TMEM175: variants seen among roughly 807,000 people sequenced by gnomAD.
TMEM175 encodes the protein transmembrane protein 175.
Under a neutral mutation model 36.5 loss-of-function variants are expected in TMEM175, and 36 were observed. The ratio of observed to expected loss-of-function variants is 0.99; its 90% confidence interval spans 0.76 to 1.30. The LOEUF is 1.30. TMEM175 is among the 50% of genes most tolerant of loss of function. The probability of loss-of-function intolerance (pLI) is 0.00; values close to 1 mark genes in which losing one functional copy is unlikely to be tolerated. For synonymous variants in TMEM175, 339 were observed against 313.4 expected (o/e 1.08, Z -0.86); for missense variants, 705 against 692.8 (o/e 1.02, Z -0.20).
chr4:955,516 G>A lies in TMEM175; in HGVS notation c.706+33G>A, dbSNP rs1338999650. The A allele has an allele frequency of 2.1e-5, 34 of 1,597,810 alleles. No homozygotes were observed. The Admixed American group carries it at 5.7e-4, about 27-fold the overall frequency. The stretch of plus-strand genomic sequence containing the variant: ...ATGACTGGGTGGGCTGGCCTGAGAG[G>A]CCTGTAGTCCGCCCACCTCCGTGCG... On this transcript the variant is annotated intron_variant, in intron 9 of 10. Transcript: ENST00000264771.
intron 6 of TMEM175, 66 bp from the exon 7 acceptor site, chr4:952,301 G>A: frequency 6.8e-7 from 1 of 1,461,730 alleles, no homozygotes; most frequent in Non-Finnish European, 9.5e-7. Context: ...CCATGGCCCA[G>A]TTCCAGGCTC....
At chr4:937,350 G>T (rs927369782) in intron 1 of TMEM175, among the ~76,000 whole-genome samples, 1 of 152,100 alleles carries the variant, frequency 6.6e-6, no homozygotes, top group African/African-American at 2.4e-5. Flanking sequence ...GATCACCTGA[G>T]GTCAGGAGTT....
intron 1 of TMEM175, among the ~76,000 whole-genome samples, chr4:933,231 G>A (rs1267242362): frequency 2.0e-5 from 3 of 152,146 alleles, no homozygotes; most frequent in Non-Finnish European, 4.4e-5. Flanking sequence ...CTGATGCCAG[G>A]CGCGGTGGCT....
At chr4:938,291 G>A (rs1727036243) in intron 1 of TMEM175, among the ~76,000 whole-genome samples, 1 of 152,210 alleles carries the variant, frequency 6.6e-6, no homozygotes, top group Admixed American at 6.5e-5. Flanking sequence ...GTCACCTGAG[G>A]TCAGGAGTTT....
intron 1 of TMEM175, among the ~76,000 whole-genome samples, chr4:947,385 C>T (rs1449314396): frequency 2.0e-5 from 3 of 152,206 alleles, no homozygotes; most frequent in Non-Finnish European, 4.4e-5. Flanking sequence ...TCCTCTTCCA[C>T]GTTTAGGTCG....
chr4:952,076 G>A (rs951463697), intron 6 of TMEM175: 9 of 584,490 alleles, frequency 1.5e-5, no homozygotes, highest in South Asian at 2.0e-5. Context: ...GGCAGTGGCC[G>A]CTAGTCTGAG....
intron 10 of TMEM175, among the ~76,000 whole-genome samples, chr4:957,065 G>C (rs1238123389): frequency 6.6e-6 from 1 of 152,198 alleles, no homozygotes; most frequent in Non-Finnish European, 1.5e-5. Context: ...GCGTGGGGCC[G>C]GGACAGTGAC....
intron 1 of TMEM175, among the ~76,000 whole-genome samples, chr4:936,103 G>A (rs1271952116): frequency 1.3e-5 from 2 of 152,180 alleles, no homozygotes; most frequent in African/African-American, 4.8e-5. Context: ...GGCAGGCTGA[G>A]GTGGGCAGAT....
intron 8 of TMEM175, among the ~76,000 whole-genome samples, chr4:954,494 C>G (rs541846829): frequency 6.7e-6 from 1 of 148,262 alleles, no homozygotes; most frequent in African/African-American, 2.5e-5. Flanking sequence ...AGTGGCGCCG[C>G]TGTGAGCACT....
At chr4:955,061 A>G (rs1362686002) in intron 8 of TMEM175, among the ~76,000 whole-genome samples, 3 of 152,140 alleles carry the variant, frequency 2.0e-5, no homozygotes, top group Non-Finnish European at 2.9e-5. Context: ...CTCTCACTGC[A>G]ACTCCTGTCT....
rs370536882 is a variant in TMEM175 at position 948,210 on chromosome 4, C to T, written c.192+56C>T. 2.7e-5 allele frequency: 44 copies of T among 1,613,604 alleles called. 1 individual carries two copies. The highest frequency in any genetic ancestry group is 1.6e-4 in the Middle Eastern group (1 of 6,084). On this transcript the variant is annotated intron_variant, in intron 3 of 10. Transcript: ENST00000264771. ...TGGCCCTGCGAAGATATAGGGTCCC[C>T]GAGGCTCGACCTGGCACAGGGTGCT...
chr4:957,032 G>A (rs1167162532), intron 10 of TMEM175: 1 of 154,536 alleles, frequency 6.5e-6, no homozygotes, highest in African/African-American at 2.4e-5. Context: ...CCCTTGGGAG[G>A]GACCTGCCGA....
At chr4:950,372 G>A in intron 3 of TMEM175, 49 bp from the exon 4 acceptor site, 1 of 1,457,396 alleles carries the variant, frequency 6.9e-7, no homozygotes, top group Non-Finnish European at 9.6e-7. Context: ...CTGCCATTCA[G>A]GGACACTCAT....
intron 1 of TMEM175, among the ~76,000 whole-genome samples, chr4:946,891 GC>G (rs1407961784): frequency 2.0e-5 from 3 of 147,582 alleles, no homozygotes; most frequent in East Asian, 2.1e-4. Context: ...GGAGAGCGCG[GC>G]CCCGTAGGAG....
intron 1 of TMEM175, among the ~76,000 whole-genome samples, chr4:937,572 G>A (rs1726937153): frequency 1.3e-5 from 2 of 152,240 alleles, no homozygotes; most frequent in South Asian, 4.1e-4. Context: ...TCAAAAAAAA[G>A]AAGACTCCAA....
At chr4:947,188 G>A (rs1184458218) in intron 1 of TMEM175, among the ~76,000 whole-genome samples, 1 of 148,320 alleles carries the variant, frequency 6.7e-6, no homozygotes, top group Non-Finnish European at 1.5e-5. Flanking sequence ...CCGAGACTGA[G>A]GGAGAGCGCG....
chr4:954,360 A>C (rs1264322563), intron 8 of TMEM175, among the ~76,000 whole-genome samples: 2 of 152,216 alleles, frequency 1.3e-5, no homozygotes, highest in African/African-American at 2.4e-5. Flanking sequence ...TTGGAGGAGG[A>C]GCCCCTGGGG....
intron 1 of TMEM175, among the ~76,000 whole-genome samples, chr4:936,552 G>A (rs1270010331): frequency 2.0e-5 from 3 of 152,284 alleles, no homozygotes; most frequent in African/African-American, 7.2e-5. Flanking sequence ...CATCACTACG[G>A]AAAGGATAAT....
At chr4:947,945 C>T (rs745877638) in intron 2 of TMEM175, 53 bp downstream of exon 2, 1 of 1,613,346 alleles carries the variant, frequency 6.2e-7, no homozygotes, top group South Asian at 1.1e-5. Flanking sequence ...TCTCGAGGCA[C>T]TGCCCAGCCC....
Sources: allele counts gnomAD v4.1 joint callset (sites outside exome capture counted in the v4.1 genomes callset), GRCh38; gene constraint gnomAD v4.1.1; transcripts MANE v1.5; gene names NCBI Gene and HGNC (gene_info 2026-07-23, HGNC 2026-07-21).